The following DLG2 variants were observed in gnomAD, a reference collection of about 807,000 sequenced individuals.
DLG2 encodes the protein discs large MAGUK scaffold protein 2, also known as disks large homolog 2.
DLG2 carries 45 observed loss-of-function variants against 132.5 expected under a neutral mutation model. The observed-to-expected ratio is 0.34, with a 90% CI of 0.27 to 0.44. The LOEUF (loss-of-function observed/expected upper bound fraction) is 0.44. Among genes scored for constraint, DLG2 ranks in the 20% least tolerant of loss-of-function variants. DLG2 has a pLI of 1.00. For synonymous variants in DLG2, 424 were observed against 419.6 expected (o/e 1.01, Z -0.13); for missense variants, 1,045 against 1,196.9 (o/e 0.87, Z 1.87).
intron 6 of DLG2, chr11:84,545,279 T>G: frequency 2.0e-6 from 1 of 501,226 alleles, no homozygotes; most frequent in East Asian, 5.1e-5. Context: ...GGTCCAAAAT[T>G]TGAAGACTGA....
chr11:83,830,952 T>C (rs886907659), intron 17 of DLG2, among the ~76,000 whole-genome samples: 7 of 152,240 alleles, frequency 4.6e-5, no homozygotes, highest in African/African-American at 1.7e-4. Flanking sequence ...GTATACAGAA[T>C]GTAAGCCAGG....
intron 3 of DLG2, among the ~76,000 whole-genome samples, chr11:85,587,592 G>A (rs72955912): frequency 0.041 from 6,171 of 152,172 alleles, 177 homozygotes; most frequent in East Asian, 0.088. Flanking sequence ...GTTCTTATGC[G>A]TTAAGTGAAT....
intron 6 of DLG2, among the ~76,000 whole-genome samples, chr11:84,559,720 C>T (rs932474461): frequency 8.5e-5 from 13 of 152,134 alleles, no homozygotes; most frequent in Admixed American, 5.2e-4. Context: ...AACTGTGTCT[C>T]TTCGGTCCTC....
chr11:83,482,118 T>C (rs1417739233), intron 22 of DLG2, among the ~76,000 whole-genome samples: 2 of 152,096 alleles, frequency 1.3e-5, no homozygotes, highest in Non-Finnish European at 2.9e-5. Flanking sequence ...AACTCAAAAA[T>C]AAAGTTTTCA....
chr11:84,970,974 G>A (rs890631109), intron 6 of DLG2, among the ~76,000 whole-genome samples: 4 of 152,062 alleles, frequency 2.6e-5, no homozygotes, highest in Non-Finnish European at 4.4e-5. Context: ...CATGAGAATT[G>A]TAATTCACTA....
chr11:85,286,645 G>A (rs1458345698), intron 3 of DLG2, among the ~76,000 whole-genome samples: 1 of 152,052 alleles, frequency 6.6e-6, no homozygotes, highest in Non-Finnish European at 1.5e-5. Context: ...AATATGTTTA[G>A]AAACAGAAAT....
In DLG2 at chr11:84,545,657, G is replaced by C. The variant is rs1299165215; in HGVS notation, c.358-10926C>G. 3 of 284,896 alleles carry C rather than the reference G, an allele frequency of 1.1e-5. No individual in the cohort carries two copies. In the Admixed American group the frequency reaches 1.1e-4, roughly 10 times the overall value. 17.6% of individuals were successfully genotyped at this position (284,896 alleles called of 1,614,324 possible). ...GTCATGGTCCTTAAGAGTTACAAAG[G>C]CAAAATCCCTTTGCTTGCCACTGCC... On this transcript the variant is annotated intron_variant, in intron 6 of 27. Coordinates refer to ENST00000376104, the MANE Select transcript of DLG2 (RefSeq NM_001142699.3).
intron 3 of DLG2, among the ~76,000 whole-genome samples, chr11:85,531,538 T>G (rs1413449415): frequency 6.6e-6 from 1 of 152,194 alleles, no homozygotes; most frequent in African/African-American, 2.4e-5. Context: ...TTTTAAAATG[T>G]AGACTGATTG....
At chr11:84,268,651 TG>T (rs2097679235) in intron 7 of DLG2, among the ~76,000 whole-genome samples, 1 of 28,170 alleles carries the variant, frequency 3.5e-5, no homozygotes, top group Non-Finnish European at 9.7e-5. Flanking sequence ...TTAGTAGAGA[TG>T]GGGTTTCACT....
At chr11:85,501,272 C>T (rs1329622077) in intron 3 of DLG2, among the ~76,000 whole-genome samples, 1 of 152,042 alleles carries the variant, frequency 6.6e-6, no homozygotes, top group African/African-American at 2.4e-5. Flanking sequence ...ATCAACTCAA[C>T]ATGGACCAAA....
chr11:85,301,807 C>G (rs11234331), intron 3 of DLG2, among the ~76,000 whole-genome samples: 3,902 of 152,280 alleles, frequency 0.026, 80 homozygotes, highest in Non-Finnish European at 0.042. Flanking sequence ...TTATCCCTAA[C>G]AGATGCATAA....
At chr11:85,531,022 A>T (rs1009855958) in intron 3 of DLG2, among the ~76,000 whole-genome samples, 10 of 152,254 alleles carry the variant, frequency 6.6e-5, no homozygotes, top group African/African-American at 2.4e-4. Context: ...ATAAAATTTT[A>T]AAATTAGACT....
chr11:84,581,919 A>C, intron 6 of DLG2, among the ~76,000 whole-genome samples: 1 of 151,578 alleles, frequency 6.6e-6, no homozygotes, highest in African/African-American at 2.4e-5. Context: ...AACCAAAAAA[A>C]AAAAAAAAAA....
chr11:84,439,560 C>T (rs1240079404), intron 7 of DLG2, among the ~76,000 whole-genome samples: 2 of 152,136 alleles, frequency 1.3e-5, no homozygotes, highest in Non-Finnish European at 2.9e-5. Context: ...AAGGCAACCC[C>T]TGTGCAAATT....
intron 7 of DLG2, among the ~76,000 whole-genome samples, chr11:84,341,283 G>A (rs1417468575): frequency 6.6e-6 from 1 of 152,164 alleles, no homozygotes; most frequent in Admixed American, 6.6e-5. Flanking sequence ...GGTGGTGGTA[G>A]CTGTGGTTGT....
chr11:83,916,523 C>G (rs192988978), intron 15 of DLG2, among the ~76,000 whole-genome samples: 58 of 152,160 alleles, frequency 3.8e-4, no homozygotes, highest in Admixed American at 9.2e-4. Context: ...ACCATGTTGG[C>G]CAGGCTGGTC....
At chr11:85,510,712 T>C (rs2094043324) in intron 3 of DLG2, among the ~76,000 whole-genome samples, 1 of 152,032 alleles carries the variant, frequency 6.6e-6, no homozygotes, top group Admixed American at 6.6e-5. Context: ...CATTAAAAAG[T>C]CAGGAAACAA....
At chr11:85,466,832 T>C (rs1299663787) in intron 3 of DLG2, among the ~76,000 whole-genome samples, 1 of 152,208 alleles carries the variant, frequency 6.6e-6, no homozygotes, top group Non-Finnish European at 1.5e-5. Context: ...AGTAGTGTTT[T>C]CCAATTCTGT....
rs78848124 is a variant in DLG2, at chr11:84,104,176, C to T, written c.625-5129G>A. On this transcript the variant is annotated intron_variant, in intron 9 of 27. Transcript: ENST00000376104. ...TCAATAATAAAGACATGGAATTAAC[C>T]CAGGTGACCATCAATGGTGGACTGA... Among the ~76,000 whole-genome samples the T allele has an allele frequency of 3.5e-3, 535 of 152,026 alleles. 1 individual carries two copies. The highest frequency in any genetic ancestry group is 0.012 in the African/African-American group (493 of 41,490).
Sources: allele counts gnomAD v4.1 joint callset (sites outside exome capture counted in the v4.1 genomes callset), GRCh38; gene constraint gnomAD v4.1.1; transcripts MANE v1.5; gene names NCBI Gene and HGNC (gene_info 2026-07-23, HGNC 2026-07-21).